The following ARHGAP28 variants were observed in gnomAD, a reference collection of about 807,000 sequenced individuals.
ARHGAP28 encodes the protein rho GTPase-activating protein 28.
Under a neutral mutation model 90.7 loss-of-function variants are expected in ARHGAP28, and 56 were observed. The observed-to-expected ratio is 0.62, with a 90% CI of 0.50 to 0.77. The LOEUF (loss-of-function observed/expected upper bound fraction) is 0.77, where lower values mean the gene tolerates loss of function less well. ARHGAP28 is among the 30% of genes least tolerant of loss of function. ARHGAP28 has a pLI of 0.00. For synonymous variants in ARHGAP28, 308 were observed against 323.3 expected, an observed-to-expected ratio of 0.95 and a Z score of 0.51; for missense variants, 869 against 900.9, an observed-to-expected ratio of 0.96 and a Z score of 0.45.
chr18:6,811,684 T>C (rs2056557740), intron 1 of ARHGAP28, among the ~76,000 whole-genome samples: 1 of 152,158 alleles, frequency 6.6e-6, no homozygotes, highest in African/African-American at 2.4e-5. Flanking sequence ...ACAATGTATT[T>C]AGTTTCGTGC....
At chr18:6,765,608 A>G (rs904014581) in intron 1 of ARHGAP28, among the ~76,000 whole-genome samples, 3 of 151,832 alleles carry the variant, frequency 2.0e-5, no homozygotes, top group Admixed American at 6.6e-5. Flanking sequence ...TTACAGTTTC[A>G]TTGATTTTTG....
intron 1 of ARHGAP28, among the ~76,000 whole-genome samples, chr18:6,752,542 G>T (rs1354677918): frequency 6.6e-6 from 1 of 152,158 alleles, no homozygotes; most frequent in East Asian, 1.9e-4. Flanking sequence ...GAGATCATTT[G>T]TGTCTTCAGT....
intron 2 of ARHGAP28, among the ~76,000 whole-genome samples, chr18:6,831,116 A>G (rs549295147): frequency 3.3e-5 from 5 of 152,296 alleles, no homozygotes; most frequent in Non-Finnish European, 5.9e-5. Context: ...TCTCCATCAT[A>G]TGAGTGATTC....
chr18:6,787,220 A>T (rs1483094494), intron 1 of ARHGAP28, among the ~76,000 whole-genome samples: 1 of 79,380 alleles, frequency 1.3e-5, no homozygotes, highest in Non-Finnish European at 2.4e-5. Context: ...AACTCCATTT[A>T]AAAAAAAAAA....
intron 11 of ARHGAP28, among the ~76,000 whole-genome samples, chr18:6,884,867 G>A (rs939993165): frequency 6.6e-6 from 1 of 152,054 alleles, no homozygotes; most frequent in Non-Finnish European, 1.5e-5. Flanking sequence ...TTTAAGAAGG[G>A]TATATGAATA....
intron 1 of ARHGAP28, among the ~76,000 whole-genome samples, chr18:6,787,976 C>G (rs1041087315): frequency 6.6e-6 from 1 of 152,124 alleles, no homozygotes; most frequent in African/African-American, 2.4e-5. Flanking sequence ...TGCCTTTTGT[C>G]TAGTCAGAAA....
intron 1 of ARHGAP28, among the ~76,000 whole-genome samples, chr18:6,730,549 T>C (rs754602917): frequency 6.6e-6 from 1 of 152,236 alleles, no homozygotes; most frequent in Non-Finnish European, 1.5e-5. Flanking sequence ...AATGCAATTA[T>C]ATTTCCTTTT....
chr18:6,832,085 T>A lies in ARHGAP28; in HGVS notation c.326-5112T>A, dbSNP rs796847536. Among the ~76,000 whole-genome samples the A allele has an allele frequency of 3.8e-4, 58 of 152,172 alleles. 1 individual carries two copies. The highest frequency in any genetic ancestry group is 1.3e-3 in the African/African-American group (56 of 41,564). On this transcript the variant is annotated intron_variant, in intron 2 of 17. Coordinates refer to ENST00000383472, the MANE Select transcript of ARHGAP28 (RefSeq NM_001366230.1). Reference sequence around the variant, plus strand: ...TAGACCATTAATTTTAAATCTTTCATCTTTTTGAATATGTACAGTTCTTTA... The same window carrying A: ...TAGACCATTAATTTTAAATCTTTCAACTTTTTGAATATGTACAGTTCTTTA...
intron 9 of ARHGAP28, among the ~76,000 whole-genome samples, chr18:6,875,809 A>G (rs1184817385): frequency 6.6e-6 from 1 of 152,230 alleles, no homozygotes; most frequent in African/African-American, 2.4e-5. Context: ...AGAAAGAGTT[A>G]TAGTAATCAG....
Position 6,890,081 on chromosome 18 carries a change from G to A in ARHGAP28, c.1730G>A (p.Trp577Ter). The change falls in exon 13 of 18, where the codon TGG (tryptophan) becomes TAG (stop). Residue 577 changes from tryptophan (W) to a stop codon, truncating the protein, a stop_gained. Transcript: ENST00000383472. LOFTEE classifies it high-confidence loss of function. ...ATGCTTAAGTACCAGAAGATTTTGTGGAAGGTGAGTGACATAGTGATGACA... is the reference window on the plus strand; with the variant it reads ...ATGCTTAAGTACCAGAAGATTTTGTAGAAGGTGAGTGACATAGTGATGACA... Reference protein sequence around the residue: ...RLMLKYQKILWKVPSFLITQV... With the variant: ...RLMLKYQKIL 6.2e-7 allele frequency: 1 copy of A among 1,614,082 alleles called. No homozygotes were observed. The highest frequency in any genetic ancestry group is 8.5e-7 in the Non-Finnish European group (1 of 1,179,990).
chr18:6,833,338 G>A (rs1009413826), intron 2 of ARHGAP28, among the ~76,000 whole-genome samples: 3 of 151,914 alleles, frequency 2.0e-5, no homozygotes, highest in African/African-American at 7.2e-5. Flanking sequence ...TCCTCAGACT[G>A]CTATCGTTTC....
chr18:6,749,228 A>G (rs902326848), intron 1 of ARHGAP28, among the ~76,000 whole-genome samples: 4 of 152,218 alleles, frequency 2.6e-5, no homozygotes, highest in Non-Finnish European at 4.4e-5. Context: ...TAGAAATTCA[A>G]GAAAGGCTAG....
intron 1 of ARHGAP28, among the ~76,000 whole-genome samples, chr18:6,786,117 G>A (rs894398235): frequency 4.6e-5 from 7 of 152,318 alleles, no homozygotes; most frequent in Middle Eastern, 3.4e-3. Flanking sequence ...GAGAAGAAAC[G>A]TCAGTTGAAC....
chr18:6,743,432 CTG>C (rs764572636), intron 1 of ARHGAP28, among the ~76,000 whole-genome samples: 1 of 152,138 alleles, frequency 6.6e-6, no homozygotes, highest in Non-Finnish European at 1.5e-5. Flanking sequence ...AAATGGTTAA[CTG>C]TGGAGGCTGA....
At position 6,887,142 on chromosome 18, in the gene ARHGAP28, C is replaced by T. The variant is rs751248905; in HGVS notation, c.1454-15C>T. 1 of 1,610,418 alleles carries T rather than the reference C, an allele frequency of 6.2e-7. No homozygotes were observed. ...GGCTATTTAAAATGTATGACTATTT[C>T]TGTTTTCTTGTTAGGAGGGCCTCAC... On this transcript the variant is annotated splice_polypyrimidine_tract_variant and intron_variant, in intron 11 of 17. Coordinates refer to ENST00000383472, the MANE Select transcript of ARHGAP28 (RefSeq NM_001366230.1).
chr18:6,754,230 C>A (rs1334200726), intron 1 of ARHGAP28, among the ~76,000 whole-genome samples: 1 of 152,118 alleles, frequency 6.6e-6, no homozygotes, highest in Non-Finnish European at 1.5e-5. Flanking sequence ...GTCCTTATTG[C>A]AGTTTCTTCC....
intron 1 of ARHGAP28, among the ~76,000 whole-genome samples, chr18:6,742,171 T>C (rs1432758879): frequency 2.0e-5 from 3 of 147,516 alleles, no homozygotes; most frequent in Non-Finnish European, 4.5e-5. Flanking sequence ...TTCTTTTTCT[T>C]TTTTTTTTTT....
chr18:6,827,077 G>A (rs1456858278), intron 2 of ARHGAP28, among the ~76,000 whole-genome samples: 22 of 152,100 alleles, frequency 1.4e-4, no homozygotes, highest in Non-Finnish European at 2.2e-4. Context: ...AAAGTCTCCC[G>A]TGTCTACCTC....
intron 1 of ARHGAP28, among the ~76,000 whole-genome samples, chr18:6,803,000 G>T (rs2056493248): frequency 2.0e-5 from 3 of 152,080 alleles, no homozygotes; most frequent in Admixed American, 6.5e-5. Flanking sequence ...TATTCTATAA[G>T]ATTTTCTAAA....
Sources: gnomAD v4.1 joint callset for allele counts (sites outside exome capture counted in the v4.1 genomes callset) on GRCh38, gnomAD v4.1.1 for gene constraint, MANE v1.5 for transcripts, NCBI Gene and HGNC (gene_info 2026-07-23, HGNC 2026-07-21) for gene names.